The following RFC2 variants were observed in gnomAD, a reference collection of about 807,000 sequenced individuals.
RFC2 encodes A1 40 kDa subunit.
RFC2 carries 34 observed loss-of-function variants against 44.8 expected under a neutral mutation model. The ratio of observed to expected loss-of-function variants is 0.76; its 90% CI spans 0.58 to 1.01. RFC2 has a LOEUF of 1.01. Ranked by LOEUF, RFC2 falls within the 50% of genes least tolerant of loss-of-function variation. The pLI is 0.00. For synonymous variants in RFC2, 177 were observed against 168.9 expected (o/e 1.05, Z -0.37); for missense variants, 400 against 453.6 (o/e 0.88, Z 1.07).
Position 74,238,972 on chromosome 7 carries a change from T to C in RFC2, c.710A>G (p.Gln237Arg). ...GDMRQALNNL[Q>R]STFSGFGFIN... Reference sequence around the variant, plus strand: ...GAAGCCAAATCCTGAGAAGGTGGACTGCAGGTTGTTCAGCGCCTGTTCAGG... The same window carrying C: ...GAAGCCAAATCCTGAGAAGGTGGACCGCAGGTTGTTCAGCGCCTGTTCAGG... Residue 237 changes from glutamine (Q) to arginine (R), a missense_variant, in exon 8 of 11, where the codon CAG (glutamine) becomes CGG (arginine). Coordinates refer to ENST00000055077, the MANE Select transcript of RFC2 (RefSeq NM_181471.3). The surrounding 1 kb of genome is among the most constrained non-coding windows in gnomAD (Gnocchi z 4.0). 1 of 1,614,004 alleles carries C rather than the reference T, an allele frequency of 6.2e-7. No homozygotes were observed. The highest frequency in any genetic ancestry group is 8.5e-7 in the Non-Finnish European group (1 of 1,179,898).
rs782736816 is a variant in RFC2 at position 74,252,513 on chromosome 7, C to A, written c.114-15G>T. Reference sequence around the variant, plus strand: ...ATTTTTCAACCCTGTTAAGAAAATGCATAAAAATGCTGACATGGTTATCTT... The same window carrying A: ...ATTTTTCAACCCTGTTAAGAAAATGAATAAAAATGCTGACATGGTTATCTT... On this transcript the variant is annotated splice_polypyrimidine_tract_variant and intron_variant, in intron 1 of 10. Transcript: ENST00000055077. 17 of 1,481,144 alleles carry A rather than the reference C, an allele frequency of 1.1e-5. No homozygotes were observed. The highest frequency in any genetic ancestry group is 1.3e-5 in the Non-Finnish European group (14 of 1,059,372). The allele number at this position is 1,481,144 out of a possible 1,614,324, so 91.8% of individuals were successfully genotyped here.
In RFC2 at chr7:74,252,407, A is replaced by G. The variant is rs1554721283; in HGVS notation, c.183+22T>C. On this transcript the variant is annotated intron_variant, in intron 2 of 10. Coordinates refer to ENST00000055077, the MANE Select transcript of RFC2 (RefSeq NM_181471.3). ...GGGCGACAGAGCGAGACTCTGTCTC[A>G]AAAAAAAAAAAAGCCACTCACCTCT... 4 of 318,258 alleles carry G rather than the reference A, an allele frequency of 1.3e-5. No individual in the cohort carries two copies. The Admixed American group carries it at 1.7e-4, about 13-fold the overall frequency. 19.7% of individuals were successfully genotyped at this position (318,258 alleles called of 1,614,324 possible). A position where few individuals can be genotyped will look rare whatever the true frequency, so the allele number is the denominator to read the frequency against.
rs536622278 is a variant in RFC2, at chr7:74,252,764, A to T, written c.114-266T>A. Among the ~76,000 whole-genome samples, 41 of 151,930 alleles carry T rather than the reference A, an allele frequency of 2.7e-4. No homozygotes were observed. The South Asian group carries it at 8.5e-3, about 32-fold the overall frequency. On this transcript the variant is annotated intron_variant, in intron 1 of 10. Coordinates refer to ENST00000055077, the MANE Select transcript of RFC2 (RefSeq NM_181471.3). Reference sequence around the variant, plus strand: ...AGTCTGGCCAACATGGTGAAACCTCATCTCTACTTAAAATACAAAAATTAG... The same window carrying T: ...AGTCTGGCCAACATGGTGAAACCTCTTCTCTACTTAAAATACAAAAATTAG...
chr7:74,236,818 G>A (rs1554718377), intron 9 of RFC2, among the ~76,000 whole-genome samples: 1 of 152,116 alleles, frequency 6.6e-6, no homozygotes, highest in East Asian at 1.9e-4. Flanking sequence ...TTAGGGCTGG[G>A]CATAGTGACA....
At chr7:74,237,503 CCCAACAGA>C in intron 8 of RFC2, 61 bp from the exon 9 acceptor site, 1 of 1,062,328 alleles carries the variant, frequency 9.4e-7, no homozygotes, top group South Asian at 2.1e-5. Context: ...GCGGGGAGGC[CCCAACAGA>C]CCGACTTCCA....
chr7:74,250,108 G>C (rs1786833413), intron 2 of RFC2, among the ~76,000 whole-genome samples: 1 of 150,866 alleles, frequency 6.6e-6, no homozygotes. Flanking sequence ...AGCTGTGACT[G>C]CACCACTGCA....
At chr7:74,248,691 G>A (rs1471764749) in intron 4 of RFC2, among the ~76,000 whole-genome samples, 4 of 151,960 alleles carry the variant, frequency 2.6e-5, no homozygotes, top group Admixed American at 1.3e-4. Flanking sequence ...TAGTGGAGAC[G>A]GGGTTTCACC....
chr7:74,246,557 TATG>T (rs372734955), intron 5 of RFC2, 102 bp downstream of exon 5: 23 of 663,706 alleles, frequency 3.5e-5, no homozygotes, highest in African/African-American at 5.5e-5. Context: ...TTGTGGAAGA[TATG>T]ATAAGCAAAT....
At chr7:74,243,005 G>A (rs945409596) in intron 6 of RFC2, 141 bp downstream of exon 6, 19 of 596,354 alleles carry the variant, frequency 3.2e-5, no homozygotes, top group African/African-American at 2.8e-4. Flanking sequence ...GACCACTTGA[G>A]CACAGGAGTT....
chr7:74,237,017 G>A (rs3135691), intron 9 of RFC2, among the ~76,000 whole-genome samples: 5,039 of 152,114 alleles, frequency 0.033, 286 homozygotes, highest in African/African-American at 0.11. Context: ...AAGGAATTCA[G>A]CCTCTGAATC....
chr7:74,241,698 G>A (rs969495575), intron 6 of RFC2, among the ~76,000 whole-genome samples: 1 of 152,198 alleles, frequency 6.6e-6, no homozygotes, highest in Non-Finnish European at 1.5e-5. Context: ...GGTGGCTCAC[G>A]CCTATAATCC....
At chr7:74,254,054 T>C (rs905825724) in intron 1 of RFC2, among the ~76,000 whole-genome samples, 1 of 151,950 alleles carries the variant, frequency 6.6e-6, no homozygotes, top group African/African-American at 2.4e-5. Context: ...GTCATAAGCA[T>C]TGTAGTGAGC....
chr7:74,240,064 C>T lies in RFC2; in HGVS notation c.567G>A (p.Arg189=). 1.9e-6 allele frequency: 3 copies of T among 1,614,034 alleles called. No individual in the cohort carries two copies. The highest frequency in any genetic ancestry group is 2.5e-6 in the Non-Finnish European group (3 of 1,179,984). ...TCTGGGCGTCGGTCAGCTTTGTGTA[C>T]CGGAGGACTGCACAGCGGGACTGAA... is the stretch of plus-strand genomic sequence containing the variant. ...EPIQSRCAVL[R]YTKLTDAQIL... Residue 189 remains arginine, a synonymous_variant, in exon 7 of 11, where the codon CGG becomes CGA. Coordinates refer to ENST00000055077, the MANE Select transcript of RFC2 (RefSeq NM_181471.3).
At chr7:74,248,447 T>C (rs1354595569) in intron 4 of RFC2, among the ~76,000 whole-genome samples, 1 of 151,766 alleles carries the variant, frequency 6.6e-6, no homozygotes, top group Non-Finnish European at 1.5e-5. Flanking sequence ...CTGGGCAACA[T>C]AGTGAGATCC....
At chr7:74,245,303 A>G (rs1803533324) in intron 5 of RFC2, among the ~76,000 whole-genome samples, 2 of 150,532 alleles carry the variant, frequency 1.3e-5, no homozygotes, top group Non-Finnish European at 3.0e-5. Flanking sequence ...TACAGGCATG[A>G]GCCACCGAGC....
At chr7:74,235,699 T>A in intron 9 of RFC2, 54 bp from the exon 10 acceptor site, 4 of 1,272,562 alleles carry the variant, frequency 3.1e-6, no homozygotes, top group Non-Finnish European at 4.6e-6. Flanking sequence ...TAAGAAGACA[T>A]GTGATTTTGA....
intron 1 of RFC2, among the ~76,000 whole-genome samples, chr7:74,253,099 A>G (rs1787063588): frequency 6.6e-6 from 1 of 152,180 alleles, no homozygotes; most frequent in Non-Finnish European, 1.5e-5. Flanking sequence ...GCAATGTGAC[A>G]CTGTGCTGCA....
intron 7 of RFC2, among the ~76,000 whole-genome samples, chr7:74,239,313 TTAC>T (rs1471661374): frequency 2.0e-5 from 3 of 151,344 alleles, no homozygotes; most frequent in African/African-American, 7.3e-5. Flanking sequence ...GTAGCTGGGA[TTAC>T]AGGCACCCAC....
intron 9 of RFC2, among the ~76,000 whole-genome samples, chr7:74,236,703 G>GAAA (rs1803032514): frequency 6.6e-6 from 1 of 152,170 alleles, no homozygotes; most frequent in Non-Finnish European, 1.5e-5. Flanking sequence ...GAGCTAGGCT[G>GAAA]GTCTTTCCTC....
Sources: gnomAD v4.1 joint callset for allele counts (sites outside exome capture counted in the v4.1 genomes callset) on GRCh38, gnomAD v4.1.1 for gene constraint, Gnocchi (gnomAD v3.1) non-coding constraint, MANE v1.5 for transcripts, NCBI Gene and HGNC (gene_info 2026-07-23, HGNC 2026-07-21) for gene names.